The following OAS1 variants were observed in gnomAD, a reference collection of about 807,000 sequenced individuals.
OAS1 encodes the protein 2'-5'-oligoadenylate synthase 1.
In OAS1, 24 loss-of-function variants were observed where a neutral mutation model predicts 38.5. The observed-to-expected ratio is 0.62, with a 90% CI of 0.45 to 0.88. OAS1 has a LOEUF of 0.88. Among genes scored for constraint, OAS1 ranks in the 40% least tolerant of loss-of-function variants. OAS1 has a pLI of 0.00. For missense variants in OAS1, 482 were observed against 493.9 expected (o/e 0.98, Z 0.23); for synonymous variants, 169 against 193.9 (o/e 0.87, Z 1.07).
downstream of OAS1, among the ~76,000 whole-genome samples, chr12:112,920,884 A>T (rs770307183): frequency 2.0e-5 from 3 of 152,166 alleles, no homozygotes; most frequent in Admixed American, 6.5e-5. Context: ...TGAGGTTCTA[A>T]GAGGTTACAG....
chr12:112,907,135 T>C lies in OAS1; in HGVS notation c.96T>C (p.His32=), dbSNP rs371488150. 5 of 1,614,090 alleles carry C rather than the reference T, an allele frequency of 3.1e-6. No homozygotes were observed. Among genetic ancestry groups the C allele is most frequent in the Non-Finnish European group, 3.4e-6 (4 of 1,180,050 alleles). ...PDTCFRMQIN[H]AIDIICGFLK... is the part of the protein sequence containing the mutation. ...CGTGTTTCCGCATGCAAATCAACCA[T>C]GCCATTGACATCATCTGTGGGTTCC... The change falls in exon 1 of 6, where the codon CAT becomes CAC. Residue 32 remains histidine, a synonymous_variant. Coordinates refer to ENST00000202917, the MANE Select transcript of OAS1 (RefSeq NM_016816.4).
At position 112,908,793 on chromosome 12, in the gene OAS1, GTTCGATGTGCTGC is replaced by G; in HGVS notation, c.439_451del (p.Phe147LeufsTer9). 1 of 1,605,602 alleles carries G rather than the reference GTTCGATGTGCTGC, an allele frequency of 6.2e-7. No individual in the cohort carries two copies. The highest frequency in any genetic ancestry group is 8.5e-7 in the Non-Finnish European group (1 of 1,173,946). On this transcript the variant is annotated frameshift_variant, in exon 2 of 6. Transcript: ENST00000202917. LOFTEE classifies it high-confidence loss of function. Reference sequence around the variant, plus strand: ...CGCTCCAGCTCGGGGAGGGGGTGGAGTTCGATGTGCTGCCTGCCTTTGATGCCCTGGGTGAGAG... The same window carrying G: ...CGCTCCAGCTCGGGGAGGGGGTGGAGCTGCCTTTGATGCCCTGGGTGAGAG...
At chr12:112,923,630 T>C (rs781116047), downstream of OAS1, among the ~76,000 whole-genome samples, 6 of 152,218 alleles carry the variant, frequency 3.9e-5, no homozygotes, top group Non-Finnish European at 5.9e-5. Context: ...ATTAGATGTA[T>C]GGTTTGTGAA....
intron 6 of OAS1, among the ~76,000 whole-genome samples, chr12:112,927,698 AG>A (rs1466806232): frequency 6.6e-6 from 1 of 152,222 alleles, no homozygotes; most frequent in Admixed American, 6.5e-5. Flanking sequence ...CCCAAGCTGC[AG>A]CATGACTCAG....
intron 6 of OAS1, among the ~76,000 whole-genome samples, chr12:112,926,786 C>T (rs2043561127): frequency 1.3e-5 from 2 of 152,300 alleles, no homozygotes; most frequent in South Asian, 4.2e-4. Context: ...GCTGGAATTT[C>T]CTAATCCTAG....
At chr12:112,915,809 G>T (rs1052000877) in intron 3 of OAS1, among the ~76,000 whole-genome samples, 1 of 152,066 alleles carries the variant, frequency 6.6e-6, no homozygotes, top group Admixed American at 6.6e-5. Context: ...GCAATGTTTT[G>T]TAGTTTTCCT....
At position 112,917,299 on chromosome 12, in the gene OAS1, C is replaced by A. The variant is rs1432603472; in HGVS notation, c.885-248C>A. Among the ~76,000 whole-genome samples the A allele has an allele frequency of 3.3e-5, 5 of 152,178 alleles. No individual in the cohort carries two copies. The South Asian group carries it at 1.0e-3, about 32-fold the overall frequency. ...AGAGTTCAAGTGACCTACCCAAGGG[C>A]ACATCACTGATAAAGGGCAGAGGTG... On this transcript the variant is annotated intron_variant, in intron 4 of 5. Transcript: ENST00000202917.
downstream of OAS1, among the ~76,000 whole-genome samples, chr12:112,923,665 C>A (rs2043543597): frequency 6.6e-6 from 1 of 152,160 alleles, no homozygotes; most frequent in African/African-American, 2.4e-5. Context: ...CATAGATTGT[C>A]TTTTCAGCCC....
downstream of OAS1, chr12:112,932,153 T>C (rs1012389763): frequency 1.1e-5 from 5 of 471,514 alleles, no homozygotes; most frequent in Middle Eastern, 5.4e-4. Context: ...TCTTCCTCCC[T>C]GTCTCCTTCT....
intron 6 of OAS1, among the ~76,000 whole-genome samples, chr12:112,928,420 A>G (rs186882900): frequency 6.6e-6 from 1 of 152,368 alleles, no homozygotes. Flanking sequence ...AGTGATTGCT[A>G]CATAACAAAC....
At chr12:112,917,806 A>T (rs1297476677) in intron 5 of OAS1, 106 bp downstream of exon 5, 2 of 1,612,274 alleles carry the variant, frequency 1.2e-6, no homozygotes, top group South Asian at 2.2e-5. Flanking sequence ...CTCTTGCCAA[A>T]GGCCATTTAT....
At chr12:112,917,408 G>T in intron 4 of OAS1, 139 bp from the exon 5 acceptor site, 1 of 1,105,380 alleles carries the variant, frequency 9.0e-7, no homozygotes. Context: ...GGGCACTGGG[G>T]ACATACCCCA....
At position 112,911,152 on chromosome 12, in the gene OAS1, A is replaced by G. The variant is rs767529191; in HGVS notation, c.571A>G (p.Thr191Ala). Residue 191 changes from threonine to alanine, a missense_variant, in exon 3 of 6, where the codon ACA becomes GCA. Transcript: ENST00000202917. ...AGAGGGCGAGTTCTCCACCTGCTTC[A>G]CAGAACTACAGAGAGACTTCCTGAA... ...QKEGEFSTCFTELQRDFLKQR... is the reference protein window; with the variant it reads ...QKEGEFSTCFAELQRDFLKQR... The G allele has an allele frequency of 4.3e-6, 7 of 1,614,052 alleles. No individual in the cohort carries two copies. Among genetic ancestry groups the G allele is most frequent in the East Asian group, 2.2e-5 (1 of 44,866 alleles).
chr12:112,930,444 C>A (rs7298184), intron 6 of OAS1, among the ~76,000 whole-genome samples: 113,239 of 152,236 alleles, frequency 0.74, 43,416 homozygotes, highest in African/African-American at 0.94. Context: ...TGTTAGGCCC[C>A]AGTGCAAGGC....
chr12:112,916,879 A>G (rs2043468287), intron 4 of OAS1, 141 bp downstream of exon 4: 2 of 669,022 alleles, frequency 3.0e-6, no homozygotes, highest in African/African-American at 1.8e-5. Flanking sequence ...TGGGCATTTT[A>G]CTACTGCCAT....
rs1194071333 is a variant in OAS1 at position 112,917,639 on chromosome 12, G to A, written c.977G>A (p.Trp326Ter). Residue 326 changes from tryptophan (W) to a stop codon, truncating the protein, a stop_gained, in exon 5 of 6, where the codon TGG becomes TAG. Coordinates refer to ENST00000202917, the MANE Select transcript of OAS1 (RefSeq NM_016816.4). LOFTEE classifies it high-confidence loss of function. ...WRQLAQEAEA[W>*]LNYPCFKNWD... ...CAGCTGGCACAAGAGGCTGAGGCCT[G>A]GCTGAATTACCCATGCTTTAAGAAT... The A allele has an allele frequency of 1.4e-5, 22 of 1,614,068 alleles. No homozygotes were observed. Among genetic ancestry groups the A allele is most frequent in the Non-Finnish European group, 1.4e-5 (17 of 1,180,044 alleles).
intron 3 of OAS1, among the ~76,000 whole-genome samples, chr12:112,914,223 A>G (rs1457686976): frequency 6.6e-6 from 1 of 152,212 alleles, no homozygotes; most frequent in East Asian, 1.9e-4. Context: ...AATTAAAATA[A>G]TAGTATCCAA....
At chr12:112,908,347 T>G (rs1483587740) in intron 1 of OAS1, among the ~76,000 whole-genome samples, 189 bp from the exon 2 acceptor site, 2 of 152,190 alleles carry the variant, frequency 1.3e-5, no homozygotes, top group Non-Finnish European at 2.9e-5. Context: ...TTTTCCCATC[T>G]GTAAAATGGG....
chr12:112,926,186 T>C (rs1011984254), intron 6 of OAS1, among the ~76,000 whole-genome samples: 2 of 152,176 alleles, frequency 1.3e-5, no homozygotes, highest in Admixed American at 6.5e-5. Flanking sequence ...CAGGTCTCAC[T>C]ATTGTGCCCA....
Sources: gnomAD v4.1 joint callset for allele counts (sites outside exome capture counted in the v4.1 genomes callset) on GRCh38, gnomAD v4.1.1 for gene constraint, MANE v1.5 for transcripts, NCBI Gene and HGNC (gene_info 2026-07-23, HGNC 2026-07-21) for gene names.